Variants in AJAP1 observed in about 807,000 individuals in gnomAD.
The protein encoded by AJAP1 is adherens junction-associated protein 1.
AJAP1 carries 5 observed loss-of-function variants against 35.0 expected under a neutral mutation model. The ratio of observed to expected loss-of-function variants is 0.14; its 90% CI spans 0.07 to 0.30. AJAP1 has a LOEUF of 0.30. Ranked by LOEUF, AJAP1 falls within the 10% of genes least tolerant of loss-of-function variation. The pLI, the probability that AJAP1 is intolerant of heterozygous loss-of-function variation, is 1.00. For missense variants in AJAP1, 586 were observed against 571.0 expected (o/e 1.03, Z -0.27); for synonymous variants, 284 against 249.3 (o/e 1.14, Z -1.31).
At chr1:4,733,443 C>G (rs1439146661) in intron 2 of AJAP1, among the ~76,000 whole-genome samples, 3 of 150,094 alleles carry the variant, frequency 2.0e-5, no homozygotes, top group Non-Finnish European at 4.4e-5. Flanking sequence ...TTCATTCATT[C>G]ATTCAGCTGA....
In AJAP1 at chr1:4,772,369, C is replaced by T; in HGVS notation, c.1007C>T (p.Pro336Leu). 1 of 1,614,244 alleles carries T rather than the reference C, an allele frequency of 6.2e-7. No homozygotes were observed. The highest frequency in any genetic ancestry group is 8.5e-7 in the Non-Finnish European group (1 of 1,180,050). ...AGCTGCCAGAACCTCACGGACTTCC[C>T]CTCGGCCCGGGTGCCCAGCAGCCTG... ...EESCQNLTDF[P>L]SARVPSSLDI... is the part of the protein sequence containing the mutation. Residue 336 changes from proline (P) to leucine (L), a missense_variant, in exon 4 of 6, where the codon CCC (proline) becomes CTC (leucine). Transcript: ENST00000378191.
chr1:4,762,586 G>T (rs1641591550), intron 2 of AJAP1, among the ~76,000 whole-genome samples: 2 of 152,232 alleles, frequency 1.3e-5, no homozygotes, highest in African/African-American at 4.8e-5. Flanking sequence ...TCCACTGCAA[G>T]ATGACATCCG....
At chr1:4,719,286 G>A (rs1187346832) in intron 2 of AJAP1, among the ~76,000 whole-genome samples, 2 of 152,168 alleles carry the variant, frequency 1.3e-5, no homozygotes, top group Non-Finnish European at 1.5e-5. Context: ...GGAGCGGGAT[G>A]AGGAGTTGCA....
chr1:4,769,368 C>T (rs1399103155), intron 2 of AJAP1, among the ~76,000 whole-genome samples: 1 of 152,170 alleles, frequency 6.6e-6, no homozygotes, highest in Non-Finnish European at 1.5e-5. Context: ...TCCTGGCTCC[C>T]CCTGGGTCAG....
chr1:4,679,349 A>G (rs1036439445), intron 1 of AJAP1, among the ~76,000 whole-genome samples: 4 of 152,124 alleles, frequency 2.6e-5, no homozygotes, highest in African/African-American at 9.7e-5. Context: ...ACAAAGACCC[A>G]CAAATAGCAG....
intron 1 of AJAP1, among the ~76,000 whole-genome samples, chr1:4,676,866 A>G (rs1639373617): frequency 6.6e-6 from 1 of 152,214 alleles, no homozygotes; most frequent in Non-Finnish European, 1.5e-5. Flanking sequence ...TTCAAAGAGA[A>G]AATAAAATGG....
intron 2 of AJAP1, among the ~76,000 whole-genome samples, chr1:4,744,237 T>C (rs1570183247): frequency 1.3e-5 from 2 of 152,214 alleles, no homozygotes; most frequent in South Asian, 4.1e-4. Flanking sequence ...TCTCGTCTGG[T>C]GTGCAGCCGT....
At position 4,712,581 on chromosome 1, in the gene AJAP1, C is replaced by A. The variant is rs773983737; in HGVS notation, c.711C>A (p.Thr237=). The A allele has an allele frequency of 1.2e-6, 2 of 1,608,872 alleles. No individual in the cohort carries two copies. Among genetic ancestry groups the A allele is most frequent in the Non-Finnish European group, 8.5e-7 (1 of 1,177,178 alleles). The change falls in exon 2 of 6, where the codon ACC becomes ACA. Residue 237 remains threonine (T), a synonymous_variant. Transcript: ENST00000378191. ...TPMTLQTKGF[T]ESLDPRRRIP... ...TGACGCTGCAGACTAAGGGGTTCAC[C>A]GAGTCCTTGGATCCCCGGAGAAGGA...
At position 4,791,134 on chromosome 1, in the gene AJAP1, C is replaced by T. The variant is rs906747541; in HGVS notation, c.*8649C>T. On this transcript the variant is annotated 3_prime_UTR_variant, in exon 6 of 6. Transcript: ENST00000378191. ...GAACTTTAATGACCTTATCAATGAC[C>T]TTTACTAACTGACTCTTGGTACCCG... is the stretch of plus-strand genomic sequence containing the variant. 8.6e-5 allele frequency: 13 copies of T among 152,040 alleles called. No homozygotes were observed. Among genetic ancestry groups the T allele is most frequent in the African/African-American group, 3.1e-4 (13 of 41,388 alleles). 9.4% of individuals were successfully genotyped at this position (152,040 alleles called of 1,614,324 possible).
chr1:4,762,535 C>T (rs992083714), intron 2 of AJAP1, among the ~76,000 whole-genome samples: 4 of 152,214 alleles, frequency 2.6e-5, no homozygotes, highest in Non-Finnish European at 4.4e-5. Context: ...TGCGTATTGT[C>T]ACACATCATT....
chr1:4,757,136 C>G (rs554524655), intron 2 of AJAP1, among the ~76,000 whole-genome samples: 3 of 152,330 alleles, frequency 2.0e-5, no homozygotes, highest in African/African-American at 7.2e-5. Flanking sequence ...ATCTGATTCT[C>G]TGTGTCAGTG....
chr1:4,655,499 C>T lies in AJAP1; in HGVS notation c.29+45C>T. 1.9e-6 allele frequency: 3 copies of T among 1,550,782 alleles called. No individual in the cohort carries two copies. Among genetic ancestry groups the T allele is most frequent in the Non-Finnish European group, 1.7e-6 (2 of 1,146,230 alleles). On this transcript the variant is annotated intron_variant, in intron 1 of 5. Coordinates refer to ENST00000378191, the MANE Select transcript of AJAP1 (RefSeq NM_018836.4). The surrounding 1 kb of genome is among the most constrained non-coding windows in gnomAD (Gnocchi z 6.9). ...CCGGGTGCGTGTGGGCGCGTGGGTGCCAGGCTGGGCGGAAGCGGCGCTTTC... is the reference window on the plus strand; with the variant it reads ...CCGGGTGCGTGTGGGCGCGTGGGTGTCAGGCTGGGCGGAAGCGGCGCTTTC...
At chr1:4,740,468 C>CT (rs1641034142) in intron 2 of AJAP1, among the ~76,000 whole-genome samples, 1 of 122,308 alleles carries the variant, frequency 8.2e-6, no homozygotes, top group South Asian at 3.0e-4. Flanking sequence ...TGTAAATGTG[C>CT]TTAATGCTGC....
intron 2 of AJAP1, among the ~76,000 whole-genome samples, chr1:4,741,837 A>G (rs1226575105): frequency 6.6e-6 from 1 of 152,212 alleles, no homozygotes; most frequent in Non-Finnish European, 1.5e-5. Context: ...CCAGAAAGTA[A>G]GAAAGTACTC....
chr1:4,674,261 G>A (rs1380369506), intron 1 of AJAP1, among the ~76,000 whole-genome samples: 2 of 152,088 alleles, frequency 1.3e-5, no homozygotes, highest in East Asian at 1.9e-4. Context: ...TCAGGGGTTG[G>A]CACACCACAG....
intron 3 of AJAP1, 93 bp from the exon 4 acceptor site, chr1:4,772,187 T>C (rs1456456326): frequency 1.3e-6 from 2 of 1,539,614 alleles, no homozygotes; most frequent in Middle Eastern, 1.8e-4. Flanking sequence ...AGCTCACGCC[T>C]GCAAGCGAAA....
intron 1 of AJAP1, among the ~76,000 whole-genome samples, chr1:4,667,871 A>T (rs1639166760): frequency 6.6e-6 from 1 of 152,206 alleles, no homozygotes; most frequent in Admixed American, 6.5e-5. Context: ...GGAGGTTTCA[A>T]GTGGGAAGGG....
In AJAP1 at chr1:4,666,819, A is replaced by T. The variant is rs556252415; in HGVS notation, c.29+11365A>T. On this transcript the variant is annotated intron_variant, in intron 1 of 5. Transcript: ENST00000378191. ...ACGGAAGGGTTGCGGAGAGGGGCCC[A>T]TGAATCACGGAGGGGTTGCAGAGAG... 1.9e-4 allele frequency among the ~76,000 whole-genome samples: 24 copies of T among 128,098 alleles called. No homozygotes were observed. In the South Asian group the frequency reaches 6.6e-3, roughly 35 times the overall value. 84.0% of individuals were successfully genotyped at this position (128,098 alleles called of 152,430 possible).
rs1207767166 is a variant in AJAP1, at chr1:4,784,601, G to C, written c.*2116G>C. 1 of 152,232 alleles carries C rather than the reference G, an allele frequency of 6.6e-6. No individual in the cohort carries two copies. The highest frequency in any genetic ancestry group is 1.5e-5 in the Non-Finnish European group (1 of 68,050). 9.4% of individuals were successfully genotyped at this position (152,232 alleles called of 1,614,324 possible). A position where few individuals can be genotyped will look rare whatever the true frequency, so the allele number is the denominator to read the frequency against. ...ATCTCCTGAAACATGTGAACCTAGAGTAAGGCCTCCGGAGGTGAAAGGATT... is the reference window on the plus strand; with the variant it reads ...ATCTCCTGAAACATGTGAACCTAGACTAAGGCCTCCGGAGGTGAAAGGATT... On this transcript the variant is annotated 3_prime_UTR_variant, in exon 6 of 6. Coordinates refer to ENST00000378191, the MANE Select transcript of AJAP1 (RefSeq NM_018836.4).
Sources: gnomAD v4.1 joint callset for allele counts (sites outside exome capture counted in the v4.1 genomes callset) on GRCh38, gnomAD v4.1.1 for gene constraint, Gnocchi (gnomAD v3.1) non-coding constraint, MANE v1.5 for transcripts, NCBI Gene and HGNC (gene_info 2026-07-23, HGNC 2026-07-21) for gene names.